The following GABRG3 variants were observed in gnomAD, a reference collection of about 807,000 sequenced individuals.
GABRG3 encodes the protein gamma-aminobutyric acid receptor subunit gamma-3.
A neutral mutation model predicts 48.8 loss-of-function variants in GABRG3; 25 were observed. The observed-to-expected ratio is 0.51, with a 90% confidence interval of 0.37 to 0.72. The LOEUF (loss-of-function observed/expected upper bound fraction) is 0.72. Among genes scored for constraint, GABRG3 ranks in the 30% least tolerant of loss-of-function variants. The pLI is 0.00. For synonymous variants in GABRG3, 227 were observed against 217.6 expected, an observed-to-expected ratio of 1.04 and a Z score of -0.38; for missense variants, 394 against 577.9, an observed-to-expected ratio of 0.68 and a Z score of 3.26.
intron 5 of GABRG3, chr15:27,362,491 C>A (rs1895056815): frequency 6.6e-6 from 1 of 152,136 alleles, no homozygotes; most frequent in East Asian, 1.9e-4. Context: ...AATGCTGTGA[C>A]CTTATAATTC....
At chr15:27,254,779 AC>A (rs1447519356) in intron 3 of GABRG3, among the ~76,000 whole-genome samples, 2 of 152,052 alleles carry the variant, frequency 1.3e-5, no homozygotes, top group Non-Finnish European at 2.9e-5. Flanking sequence ...GGACACAAAC[AC>A]CCAGGTCATA....
Position 27,179,448 on chromosome 15 carries a change from C to T in GABRG3, c.271-147361C>T, listed in dbSNP as rs1887853751. Among the ~76,000 whole-genome samples, 1 of 152,154 alleles carries T rather than the reference C, an allele frequency of 6.6e-6. No homozygotes were observed. Among genetic ancestry groups the T allele is most frequent in the African/African-American group, 2.4e-5 (1 of 41,440 alleles). On this transcript the variant is annotated intron_variant, in intron 3 of 9. Coordinates refer to ENST00000615808, the MANE Select transcript of GABRG3 (RefSeq NM_033223.5). The surrounding 1 kb of genome is among the most constrained non-coding windows in gnomAD (Gnocchi z 4.0). ...TGTAATTGCTTATTTACCTTGTTTG[C>T]ATAAAATCTTCCCCTGATTTTTGTG...
At chr15:27,386,635 T>C (rs1052039849) in intron 5 of GABRG3, among the ~76,000 whole-genome samples, 17 of 152,142 alleles carry the variant, frequency 1.1e-4, no homozygotes, top group African/African-American at 3.9e-4. Flanking sequence ...TCAGTATTCA[T>C]GGGAGGCCCT....
chr15:27,532,686 C>T lies in GABRG3; in HGVS notation c.1209C>T (p.Thr403=). ...TTTACTGGCAGGAATTTGAAGATAC[C>T]TGTGTCTATGAGTGTCTGGATGGCA... ...NSVYWQEFED[T]CVYECLDGKD... is the part of the protein sequence containing the mutation. Residue 403 remains threonine (T), a synonymous_variant, in exon 10 of 10, where the codon ACC becomes ACT. Coordinates refer to ENST00000615808, the MANE Select transcript of GABRG3 (RefSeq NM_033223.5). 6.2e-7 allele frequency: 1 copy of T among 1,613,964 alleles called. No individual in the cohort carries two copies.
intron 6 of GABRG3, among the ~76,000 whole-genome samples, chr15:27,519,688 T>C (rs1026827557): frequency 2.6e-5 from 4 of 152,188 alleles, no homozygotes; most frequent in Non-Finnish European, 5.9e-5. Flanking sequence ...GCTCATCAAC[T>C]CATGGCCTGT....
At chr15:27,115,724 A>G in intron 3 of GABRG3, among the ~76,000 whole-genome samples, 1 of 152,308 alleles carries the variant, frequency 6.6e-6, no homozygotes, top group Non-Finnish European at 1.5e-5. Flanking sequence ...TATATTCTAA[A>G]TCAACATTTA....
intron 5 of GABRG3, among the ~76,000 whole-genome samples, chr15:27,431,020 T>TAAAA (rs1888434746): frequency 6.6e-6 from 1 of 150,898 alleles, no homozygotes; most frequent in Non-Finnish European, 1.5e-5. Context: ...AATAAATAAA[T>TAAAA]AAATAAATAA....
chr15:27,489,755 T>A (rs1890304683), intron 6 of GABRG3, among the ~76,000 whole-genome samples: 1 of 152,246 alleles, frequency 6.6e-6, no homozygotes, highest in South Asian at 2.1e-4. Context: ...AAGTTCTTTG[T>A]AGATTCTGGA....
At chr15:27,191,956 A>G (rs1015295024) in intron 3 of GABRG3, among the ~76,000 whole-genome samples, 1 of 151,896 alleles carries the variant, frequency 6.6e-6, no homozygotes, top group South Asian at 2.1e-4. Context: ...GCTTGTCTGT[A>G]AAGTATTTTA....
intron 3 of GABRG3, among the ~76,000 whole-genome samples, chr15:27,269,777 G>A (rs1322069862): frequency 6.6e-6 from 1 of 152,130 alleles, no homozygotes; most frequent in East Asian, 1.9e-4. Context: ...AGGCATCACT[G>A]GGTCAGCAGG....
intron 2 of GABRG3, among the ~76,000 whole-genome samples, chr15:26,984,646 T>G (rs1895118471): frequency 6.6e-6 from 1 of 152,048 alleles, no homozygotes; most frequent in Non-Finnish European, 1.5e-5. Context: ...ACAGATCTTG[T>G]CATGTGAGCT....
chr15:27,061,492 C>G (rs1451076184), intron 3 of GABRG3, among the ~76,000 whole-genome samples: 1 of 147,852 alleles, frequency 6.8e-6, no homozygotes, highest in African/African-American at 2.5e-5. Context: ...TTTGCCCTTT[C>G]ACTAGAAAAC....
At chr15:27,473,056 A>G (rs1010744716) in intron 5 of GABRG3, among the ~76,000 whole-genome samples, 1 of 152,278 alleles carries the variant, frequency 6.6e-6, no homozygotes, top group Admixed American at 6.5e-5. Context: ...TTACATTCAT[A>G]TTTTTAAGCA....
chr15:27,042,215 C>A (rs1896288532), intron 3 of GABRG3, among the ~76,000 whole-genome samples: 1 of 152,178 alleles, frequency 6.6e-6, no homozygotes, highest in Non-Finnish European at 1.5e-5. Context: ...CCAGAGAATT[C>A]CGGTTGAGAA....
At chr15:27,496,317 G>A (rs1265728906) in intron 6 of GABRG3, among the ~76,000 whole-genome samples, 3 of 152,180 alleles carry the variant, frequency 2.0e-5, no homozygotes, top group Non-Finnish European at 4.4e-5. Context: ...GTGAGGCTGA[G>A]GCCACAGGCT....
chr15:27,331,821 C>G (rs1247620304), intron 5 of GABRG3, among the ~76,000 whole-genome samples: 1 of 152,116 alleles, frequency 6.6e-6, no homozygotes, highest in Admixed American at 6.5e-5. Flanking sequence ...GTACTTTCTG[C>G]TCAATTTTTC....
intron 3 of GABRG3, among the ~76,000 whole-genome samples, chr15:27,153,881 T>A (rs1898368765): frequency 1.3e-5 from 2 of 152,198 alleles, no homozygotes; most frequent in Admixed American, 1.3e-4. Context: ...TCTACTCCGA[T>A]GTTTGCTTTC....
chr15:27,323,272 G>T (rs577201265), intron 3 of GABRG3, among the ~76,000 whole-genome samples: 3 of 151,842 alleles, frequency 2.0e-5, no homozygotes, highest in Non-Finnish European at 1.5e-5. Flanking sequence ...CAATTTCTCT[G>T]TTATACTTAG....
At chr15:27,507,409 T>C (rs1455842871) in intron 6 of GABRG3, among the ~76,000 whole-genome samples, 3 of 151,952 alleles carry the variant, frequency 2.0e-5, no homozygotes, top group African/African-American at 7.3e-5. Context: ...GAGGCTGAGG[T>C]AGGAGAATGG....
Sources: allele counts gnomAD v4.1 joint callset (sites outside exome capture counted in the v4.1 genomes callset), GRCh38; gene constraint gnomAD v4.1.1; non-coding constraint Gnocchi (gnomAD v3.1); transcripts MANE v1.5; gene names NCBI Gene and HGNC (gene_info 2026-07-23, HGNC 2026-07-21).